The following XPR1 variants were observed in gnomAD, a reference collection of about 807,000 sequenced individuals.
XPR1 encodes solute carrier family 53 member 1.
Under a neutral mutation model 87.5 loss-of-function variants are expected in XPR1, and 28 were observed. The ratio of observed to expected loss-of-function variants is 0.32; its 90% CI spans 0.24 to 0.44. XPR1 has a LOEUF of 0.44. Ranked by LOEUF, XPR1 falls within the 20% of genes least tolerant of loss-of-function variation. The pLI, the probability that XPR1 is intolerant of heterozygous loss-of-function variation, is 1.00. For synonymous variants in XPR1, 300 were observed against 306.1 expected (o/e 0.98, Z 0.21); for missense variants, 559 against 862.3 (o/e 0.65, Z 4.41).
intron 2 of XPR1, among the ~76,000 whole-genome samples, chr1:180,689,051 A>G (rs904155683): frequency 2.0e-5 from 3 of 152,068 alleles, no homozygotes; most frequent in Non-Finnish European, 4.4e-5. Context: ...AGTGTTTTCT[A>G]CTCTTTATTT....
At chr1:180,672,053 G>T (rs1385762567) in intron 1 of XPR1, among the ~76,000 whole-genome samples, 2 of 152,142 alleles carry the variant, frequency 1.3e-5, no homozygotes, top group Non-Finnish European at 2.9e-5. Context: ...TGTGGCCAAG[G>T]ATCTAAATTC....
In XPR1 at chr1:180,827,810, T is replaced by C. The variant is rs148219666; in HGVS notation, c.1134+2466T>C. On this transcript the variant is annotated intron_variant, in intron 9 of 14. Coordinates refer to ENST00000367590, the MANE Select transcript of XPR1 (RefSeq NM_004736.4). ...AACAAGAATGTGTTCACTCTAGTTA[T>C]GTTTTTCTGATACCGCTTTTTAAAA... 5.7e-3 allele frequency among the ~76,000 whole-genome samples: 870 copies of C among 152,242 alleles called. 37 individuals are homozygous for C. Among genetic ancestry groups the C allele is most frequent in the Admixed American group, 0.044 (680 of 15,294 alleles).
chr1:180,698,085 C>G (rs920274922), intron 2 of XPR1, among the ~76,000 whole-genome samples: 4 of 152,044 alleles, frequency 2.6e-5, no homozygotes, highest in African/African-American at 9.7e-5. Context: ...TTCTTTAGAT[C>G]TAGCATTTGC....
intron 11 of XPR1, among the ~76,000 whole-genome samples, chr1:180,845,980 C>T (rs943677691): frequency 3.9e-5 from 6 of 152,126 alleles, no homozygotes; most frequent in African/African-American, 1.4e-4. Flanking sequence ...ATCAAGGGGG[C>T]TGGGCACGGT....
chr1:180,739,606 G>T (rs74472509), intron 2 of XPR1, among the ~76,000 whole-genome samples: 6,785 of 152,250 alleles, frequency 0.045, 218 homozygotes, highest in Middle Eastern at 0.095. Context: ...AATTTTATCA[G>T]TGATTTGTAG....
At chr1:180,704,618 T>G (rs1325813334) in intron 2 of XPR1, among the ~76,000 whole-genome samples, 2 of 151,724 alleles carry the variant, frequency 1.3e-5, no homozygotes, top group African/African-American at 4.8e-5. Context: ...CAGTGCAGTT[T>G]TATCCCTATT....
intron 7 of XPR1, among the ~76,000 whole-genome samples, chr1:180,821,006 C>A (rs569542534): frequency 1.3e-5 from 2 of 148,294 alleles, no homozygotes; most frequent in Admixed American, 1.3e-4. Context: ...ATATTCCTCC[C>A]TTTTTTTTTT....
At chr1:180,749,562 TG>T (rs1557988428) in intron 2 of XPR1, among the ~76,000 whole-genome samples, 1 of 152,024 alleles carries the variant, frequency 6.6e-6, no homozygotes, top group African/African-American at 2.4e-5. Flanking sequence ...AAAAGAGTAT[TG>T]TATTTTTATT....
intron 10 of XPR1, among the ~76,000 whole-genome samples, chr1:180,836,068 T>G (rs1651276693): frequency 6.6e-6 from 1 of 152,052 alleles, no homozygotes; most frequent in African/African-American, 2.4e-5. Context: ...ACTAAAAAGC[T>G]TGAGAATAGA....
At chr1:180,674,997 G>T (rs1320710682) in intron 1 of XPR1, among the ~76,000 whole-genome samples, 7 of 152,210 alleles carry the variant, frequency 4.6e-5, no homozygotes, top group Admixed American at 4.6e-4. Context: ...TTTGGATTCA[G>T]TTTGTAAGAT....
At chr1:180,702,519 T>G (rs1177407069) in intron 2 of XPR1, among the ~76,000 whole-genome samples, 1 of 152,184 alleles carries the variant, frequency 6.6e-6, no homozygotes, top group East Asian at 1.9e-4. Context: ...CTGGGTTATT[T>G]AAAAAGACTT....
chr1:180,850,362 T>C (rs1651827183), intron 11 of XPR1, among the ~76,000 whole-genome samples: 1 of 152,176 alleles, frequency 6.6e-6, no homozygotes, highest in South Asian at 2.1e-4. Context: ...TCCTATTATA[T>C]TTCTTCTCAC....
chr1:180,786,052 A>G (rs1040419402), intron 2 of XPR1, among the ~76,000 whole-genome samples: 3 of 151,868 alleles, frequency 2.0e-5, no homozygotes, highest in Non-Finnish European at 4.4e-5. Context: ...CCCTTATTGT[A>G]CCTAGATTGC....
intron 2 of XPR1, among the ~76,000 whole-genome samples, chr1:180,784,982 G>A (rs554590870): frequency 3.6e-5 from 4 of 110,706 alleles, no homozygotes; most frequent in East Asian, 4.6e-4. Flanking sequence ...ATATTTTTTC[G>A]CCTGTTAGTT....
At chr1:180,708,950 C>T (rs1374380180) in intron 2 of XPR1, among the ~76,000 whole-genome samples, 3 of 135,330 alleles carry the variant, frequency 2.2e-5, no homozygotes, top group Non-Finnish European at 3.1e-5. Context: ...CTCGCTCTGT[C>T]GCCCAGGCTG....
At position 180,819,121 on chromosome 1, in the gene XPR1, T is replaced by G. The variant is rs545447681; in HGVS notation, c.764-5632T>G. On this transcript the variant is annotated intron_variant, in intron 7 of 14. Transcript: ENST00000367590. ...TGGAGTAGCACCATGCCTGGCTAAT[T>G]TTTTAACTTTTTTGTAGAGACAGAG... Among the ~76,000 whole-genome samples, 18 of 152,020 alleles carry G rather than the reference T, an allele frequency of 1.2e-4. No homozygotes were observed. The South Asian group carries it at 3.5e-3, about 30-fold the overall frequency.
chr1:180,732,964 A>G (rs570157758), intron 2 of XPR1, among the ~76,000 whole-genome samples: 11 of 152,102 alleles, frequency 7.2e-5, no homozygotes, highest in Non-Finnish European at 1.2e-4. Context: ...TGGCCGCTCA[A>G]CGGCCTGTGA....
At chr1:180,660,582 C>T (rs148044736) in intron 1 of XPR1, among the ~76,000 whole-genome samples, 2 of 152,112 alleles carry the variant, frequency 1.3e-5, no homozygotes, top group Non-Finnish European at 2.9e-5. Context: ...TTTCCCTTTT[C>T]TTCTTAATCT....
At position 180,787,747 on chromosome 1, in the gene XPR1, T is replaced by C. The variant is rs1276489812; in HGVS notation, c.122-6T>C. On this transcript the variant is annotated splice_polypyrimidine_tract_variant and splice_region_variant and intron_variant, in intron 2 of 14. Coordinates refer to ENST00000367590, the MANE Select transcript of XPR1 (RefSeq NM_004736.4). ...TAAATTTAAATATTGTTTTCCTGTC[T>C]TTCAGTTACAGATGAGGACACAGTA... The C allele has an allele frequency of 2.5e-6, 4 of 1,569,948 alleles. No individual in the cohort carries two copies. In the African/African-American group the frequency reaches 5.5e-5, roughly 22 times the overall value.
Sources: gnomAD v4.1 joint callset for allele counts (sites outside exome capture counted in the v4.1 genomes callset) on GRCh38, gnomAD v4.1.1 for gene constraint, MANE v1.5 for transcripts, NCBI Gene and HGNC (gene_info 2026-07-23, HGNC 2026-07-21) for gene names.